The following TRAF2 variants were observed in gnomAD, a reference collection of about 807,000 sequenced individuals.
The protein encoded by TRAF2 is TNF receptor-associated factor 2.
TRAF2 carries 6 observed loss-of-function variants against 55.6 expected under a neutral mutation model. The observed-to-expected ratio is 0.11, with a 90% confidence interval of 0.06 to 0.21. The LOEUF is 0.21. Ranked by LOEUF, TRAF2 falls within the 10% of genes least tolerant of loss-of-function variation. TRAF2 has a pLI of 1.00. For missense variants in TRAF2, 561 were observed against 684.5 expected, an observed-to-expected ratio of 0.82 and a Z score of 2.01; for synonymous variants, 329 against 276.3, an observed-to-expected ratio of 1.19 and a Z score of -1.89.
intron 1 of TRAF2, among the ~76,000 whole-genome samples, chr9:136,887,088 T>C (rs888988929): frequency 6.6e-6 from 1 of 152,110 alleles, no homozygotes; most frequent in Non-Finnish European, 1.5e-5. Flanking sequence ...TCTGCTGCCT[T>C]CCTGCCCAGT....
chr9:136,905,664 T>C (rs569514874), intron 4 of TRAF2, among the ~76,000 whole-genome samples: 6 of 152,336 alleles, frequency 3.9e-5, no homozygotes, highest in African/African-American at 1.2e-4. Flanking sequence ...TCCATTCCCT[T>C]TCTCTGTTCC....
intron 1 of TRAF2, among the ~76,000 whole-genome samples, chr9:136,890,081 C>G (rs1051465527): frequency 6.7e-6 from 1 of 148,428 alleles, no homozygotes; most frequent in African/African-American, 2.5e-5. Flanking sequence ...GTGTGTGAGT[C>G]CCCACCGCAC....
intron 7 of TRAF2, among the ~76,000 whole-genome samples, chr9:136,920,031 A>G (rs528604507): frequency 1.3e-4 from 20 of 152,306 alleles, no homozygotes; most frequent in African/African-American, 3.6e-4. Context: ...ACTAAGTTCT[A>G]TAGCTTCACG....
intron 6 of TRAF2, among the ~76,000 whole-genome samples, chr9:136,913,179 T>A (rs139082380): frequency 5.5e-4 from 83 of 152,128 alleles, no homozygotes; most frequent in African/African-American, 2.0e-3. Context: ...CAACATGGCT[T>A]CTGATGATGA....
chr9:136,890,816 T>C (rs1384449368), intron 1 of TRAF2, among the ~76,000 whole-genome samples: 1 of 152,166 alleles, frequency 6.6e-6, no homozygotes, highest in Non-Finnish European at 1.5e-5. Context: ...GTGTTTTCAT[T>C]TGGAAACAGG....
intron 2 of TRAF2, among the ~76,000 whole-genome samples, 184 bp downstream of exon 2, chr9:136,899,112 A>G (rs1384000406): frequency 6.6e-6 from 1 of 152,236 alleles, no homozygotes; most frequent in East Asian, 1.9e-4. Flanking sequence ...TAAAATAGCA[A>G]TTTGAAATAC....
At chr9:136,893,537 C>T (rs753460580) in intron 1 of TRAF2, among the ~76,000 whole-genome samples, 7 of 152,182 alleles carry the variant, frequency 4.6e-5, no homozygotes, top group Admixed American at 1.3e-4. Flanking sequence ...ACGTGTCTCT[C>T]CTGTAGAGGA....
intron 6 of TRAF2, among the ~76,000 whole-genome samples, chr9:136,914,276 A>C (rs928997470): frequency 6.6e-6 from 1 of 152,190 alleles, no homozygotes; most frequent in Non-Finnish European, 1.5e-5. Context: ...CGCTTCCAGC[A>C]GTGCCTTCTC....
intron 6 of TRAF2, among the ~76,000 whole-genome samples, chr9:136,910,373 TG>T (rs1158400357): frequency 6.6e-6 from 1 of 152,226 alleles, no homozygotes; most frequent in Non-Finnish European, 1.5e-5. Context: ...GGGTGGAGAC[TG>T]GGCGCCCTAG....
rs779132688 is a variant in TRAF2, at chr9:136,925,633, G to A, written c.1288-50G>A. The A allele has an allele frequency of 4.5e-5, 71 of 1,590,288 alleles. 2 individuals are homozygous for A. In the Admixed American group the frequency reaches 1.2e-3, roughly 26 times the overall value. ...AGTGTCCAGACCCTCGGGAGCCAGA[G>A]AGAGACGGCCCACAGACCTGTGTCC... On this transcript the variant is annotated intron_variant, in intron 10 of 10. Transcript: ENST00000247668.
intron 1 of TRAF2, among the ~76,000 whole-genome samples, chr9:136,892,822 C>T (rs1849608140): frequency 6.6e-6 from 1 of 151,070 alleles, no homozygotes; most frequent in Non-Finnish European, 1.5e-5. Context: ...GGAGGTTGCA[C>T]CTTAGATCAC....
intron 10 of TRAF2, among the ~76,000 whole-genome samples, chr9:136,924,900 A>T (rs17250652): frequency 2.6e-5 from 4 of 151,940 alleles, no homozygotes; most frequent in Admixed American, 6.6e-5. Flanking sequence ...CACCACGCCC[A>T]GCTAATTTTT....
chr9:136,899,196 G>A (rs1588424792), intron 2 of TRAF2, among the ~76,000 whole-genome samples: 1 of 152,342 alleles, frequency 6.6e-6, no homozygotes, highest in African/African-American at 2.4e-5. Flanking sequence ...TTTAATGTGA[G>A]TACTGGAAAG....
At chr9:136,907,380 CAG>C (rs570619097) in intron 4 of TRAF2, among the ~76,000 whole-genome samples, 79 of 152,366 alleles carry the variant, frequency 5.2e-4, no homozygotes, top group Admixed American at 4.6e-4. Context: ...CTGGGTGGCT[CAG>C]TGTGTGGGAA....
In TRAF2 at chr9:136,921,218, G is replaced by T. The variant is rs1850376937; in HGVS notation, c.1138+3G>T. 1 of 1,613,620 alleles carries T rather than the reference G, an allele frequency of 6.2e-7. No individual in the cohort carries two copies. Among genetic ancestry groups the T allele is most frequent in the East Asian group, 2.2e-5 (1 of 44,880 alleles). ...CATACCCGCCATCTTCTCCCCAGGT[G>T]TGGTTCTAGGACCCCCACCTCACTG... On this transcript the variant is annotated splice_donor_region_variant and intron_variant, in intron 9 of 10. Coordinates refer to ENST00000247668, the MANE Select transcript of TRAF2 (RefSeq NM_021138.4).
At chr9:136,924,270 C>T (rs1472605663) in intron 10 of TRAF2, among the ~76,000 whole-genome samples, 2 of 152,136 alleles carry the variant, frequency 1.3e-5, no homozygotes, top group African/African-American at 2.4e-5. Context: ...AGAAAAAGCA[C>T]AAGGCCGAGT....
intron 1 of TRAF2, among the ~76,000 whole-genome samples, chr9:136,893,816 A>G (rs1051529246): frequency 1.3e-5 from 2 of 151,476 alleles, no homozygotes; most frequent in Non-Finnish European, 2.9e-5. Flanking sequence ...GTGGTGCAAT[A>G]TCGGCTCACT....
upstream of TRAF2, among the ~76,000 whole-genome samples, chr9:136,885,859 C>T (rs17243620): frequency 9.8e-5 from 15 of 152,366 alleles, no homozygotes; most frequent in East Asian, 2.9e-3. Flanking sequence ...CAGAGCATTA[C>T]CTCACCCCAA....
At chr9:136,918,493 T>G (rs1238748391) in intron 7 of TRAF2, among the ~76,000 whole-genome samples, 1 of 151,946 alleles carries the variant, frequency 6.6e-6, no homozygotes, top group Non-Finnish European at 1.5e-5. Context: ...TTTCACCATG[T>G]TGCCCAGGCT....
Sources: gnomAD v4.1 joint callset for allele counts (sites outside exome capture counted in the v4.1 genomes callset) on GRCh38, gnomAD v4.1.1 for gene constraint, MANE v1.5 for transcripts, NCBI Gene and HGNC (gene_info 2026-07-23, HGNC 2026-07-21) for gene names.